The following TLR10 variants were observed in gnomAD, a reference collection of about 807,000 sequenced individuals.
TLR10 encodes the protein toll-like receptor 10.
For missense variants in TLR10, 929 were observed against 932.9 expected, an observed-to-expected ratio of 1.00 and a Z score of 0.05; for synonymous variants, 288 against 338.8, an observed-to-expected ratio of 0.85 and a Z score of 1.65.
In TLR10 at chr4:38,773,657, G is replaced by A; in HGVS notation, c.1934C>T (p.Ser645Phe). The A allele has an allele frequency of 2.5e-6, 4 of 1,608,946 alleles. No individual in the cohort carries two copies. The highest frequency in any genetic ancestry group is 3.4e-6 in the Non-Finnish European group (4 of 1,177,720). Reference protein sequence around the residue: ...HAFISYSEHDSLWVKNELIPN... With the variant: ...HAFISYSEHDFLWVKNELIPN... ...GATCAATTCATTCTTCACCCACAGA[G>A]AATCATGTTCACTGTATGAAATAAA... The change falls in exon 4 of 4, where the codon TCT becomes TTT. Residue 645 changes from serine (S) to phenylalanine (F), a missense_variant. Coordinates refer to ENST00000308973, the MANE Select transcript of TLR10 (RefSeq NM_030956.4).
At position 38,773,005 on chromosome 4, in the gene TLR10, T is replaced by A; in HGVS notation, c.*150A>T. ...AACTTGTGAAGGTGTTTCTATAGGA[T>A]ACATTCTTAGAAATCCTTCTAGAAA... On this transcript the variant is annotated 3_prime_UTR_variant, in exon 4 of 4. Transcript: ENST00000308973. The A allele has an allele frequency of 1.4e-6, 1 of 691,910 alleles. No individual in the cohort carries two copies. Among genetic ancestry groups the A allele is most frequent in the Non-Finnish European group, 2.1e-6 (1 of 470,890 alleles). The allele number at this position is 691,910 out of a possible 1,614,324, so 42.9% of individuals were successfully genotyped here.
At chr4:38,779,807 T>G (rs1345865313) in intron 1 of TLR10, among the ~76,000 whole-genome samples, 1 of 152,206 alleles carries the variant, frequency 6.6e-6, no homozygotes, top group Non-Finnish European at 1.5e-5. Flanking sequence ...CTGAATGACC[T>G]CTTAGTAAAT....
chr4:38,777,650 G>A (rs1042129081), intron 1 of TLR10, among the ~76,000 whole-genome samples: 1 of 151,884 alleles, frequency 6.6e-6, no homozygotes, highest in African/African-American at 2.4e-5. Flanking sequence ...ATATGAACAG[G>A]CACTTCTCAA....
At chr4:38,782,175 C>A (rs1725450772) in intron 1 of TLR10, among the ~76,000 whole-genome samples, 1 of 152,190 alleles carries the variant, frequency 6.6e-6, no homozygotes, top group Non-Finnish European at 1.5e-5. Flanking sequence ...TTTCTCACCC[C>A]ATGCCCCTGT....
chr4:38,776,684 A>G (rs113624719), intron 1 of TLR10, among the ~76,000 whole-genome samples: 1 of 152,186 alleles, frequency 6.6e-6, no homozygotes, highest in African/African-American at 2.4e-5. Context: ...TTCATTATTC[A>G]AGATATTTAT....
chr4:38,772,664 C>G lies in TLR10; in HGVS notation c.*491G>C, dbSNP rs1724705011. 1 of 150,144 alleles carries G rather than the reference C, an allele frequency of 6.7e-6. No homozygotes were observed. Among genetic ancestry groups the G allele is most frequent in the African/African-American group, 2.5e-5 (1 of 40,500 alleles). 9.3% of individuals were successfully genotyped at this position (150,144 alleles called of 1,614,324 possible). ...TTTGAGATGGAGTCTCGCTCTGTCA[C>G]CAGGCTGGAGTGCAGTGGCTCGATC... On this transcript the variant is annotated 3_prime_UTR_variant, in exon 4 of 4. Transcript: ENST00000308973.
chr4:38,775,715 T>C, intron 3 of TLR10, 60 bp downstream of exon 3: 1 of 1,046,446 alleles, frequency 9.6e-7, no homozygotes, highest in Admixed American at 3.3e-5. Flanking sequence ...GGATTTTTAT[T>C]TGCAAAAAAA....
In TLR10 at chr4:38,775,520, A is replaced by G. The variant is rs1337891360; in HGVS notation, c.71T>C (p.Leu24Pro). ...GGTCATCAGTTCCCTTTCTTCTGGC[A>G]GCTCTGGAGCATCACCCTCTGCTGT... ...VMTAEGDAPE[L>P]PEERELMTNC... is the part of the protein sequence containing the mutation. Residue 24 changes from leucine to proline, a missense_variant, in exon 4 of 4, where the codon CTG becomes CCG. Coordinates refer to ENST00000308973, the MANE Select transcript of TLR10 (RefSeq NM_030956.4). 6.2e-7 allele frequency: 1 copy of G among 1,614,160 alleles called. No homozygotes were observed. The highest frequency in any genetic ancestry group is 1.7e-5 in the Admixed American group (1 of 60,004).
At position 38,773,682 on chromosome 4, in the gene TLR10, A is replaced by C. The variant is rs1429221678; in HGVS notation, c.1909T>G (p.Phe637Val). 2.5e-6 allele frequency: 4 copies of C among 1,613,152 alleles called. No homozygotes were observed. Among genetic ancestry groups the C allele is most frequent in the Admixed American group, 1.7e-5 (1 of 59,804 alleles). The change falls in exon 4 of 4, where the codon TTT becomes GTT. Residue 637 changes from phenylalanine to valine, a missense_variant. Phe to Val is a conservative substitution (Grantham distance 50). Coordinates refer to ENST00000308973, the MANE Select transcript of TLR10 (RefSeq NM_030956.4). The stretch of plus-strand genomic sequence containing the variant: ...GAATCATGTTCACTGTATGAAATAA[A>C]TGCGTGGAATCGGACATTTCTCTTG... The part of the protein sequence containing the change: ...QLKRNVRFHA[F>V]ISYSEHDSLW...
In TLR10 at chr4:38,773,020, C is replaced by A; in HGVS notation, c.*135G>T. The A allele has an allele frequency of 1.2e-6, 1 of 824,730 alleles. No homozygotes were observed. 51.1% of individuals were successfully genotyped at this position (824,730 alleles called of 1,614,324 possible). A position where few individuals can be genotyped will look rare whatever the true frequency, so the allele number is the denominator to read the frequency against. On this transcript the variant is annotated 3_prime_UTR_variant, in exon 4 of 4. Coordinates refer to ENST00000308973, the MANE Select transcript of TLR10 (RefSeq NM_030956.4). The stretch of plus-strand genomic sequence containing the variant: ...TTCTATAGGATACATTCTTAGAAAT[C>A]CTTCTAGAAACTGATATGAAGGGAA...
Position 38,773,345 on chromosome 4 carries a change from A to C in TLR10, c.2246T>G (p.Leu749Arg), listed in dbSNP as rs1299931252. ...CCATTCCAAGTATGCTTTTTTTTCC[A>C]GGAGAGCTTTCAGTTTATGATACCT... Reference protein sequence around the residue: ...PTRYHKLKALLEKKAYLEWPK... With the variant: ...PTRYHKLKALREKKAYLEWPK... The change falls in exon 4 of 4, where the codon CTG (leucine) becomes CGG (arginine). Residue 749 changes from leucine to arginine, a missense_variant. Coordinates refer to ENST00000308973, the MANE Select transcript of TLR10 (RefSeq NM_030956.4). 6.2e-7 allele frequency: 1 copy of C among 1,613,304 alleles called. No individual in the cohort carries two copies. The highest frequency in any genetic ancestry group is 1.7e-5 in the Admixed American group (1 of 59,780).
In TLR10 at chr4:38,773,271, C is replaced by T; in HGVS notation, c.2320G>A (p.Ala774Thr). 6.2e-7 allele frequency: 1 copy of T among 1,611,914 alleles called. No homozygotes were observed. Among genetic ancestry groups the T allele is most frequent in the Non-Finnish European group, 8.5e-7 (1 of 1,179,368 alleles). ...GTGGCTAATACATTAACATTAATAGCAGCTCGAAGGTTTGCCCAGAAAAGC... is the reference window on the plus strand; with the variant it reads ...GTGGCTAATACATTAACATTAATAGTAGCTCGAAGGTTTGCCCAGAAAAGC... Reference protein sequence around the residue: ...CGLFWANLRAAINVNVLATRE... With the variant: ...CGLFWANLRATINVNVLATRE... The change falls in exon 4 of 4, where the codon GCT becomes ACT. Residue 774 changes from alanine to threonine, a missense_variant. Transcript: ENST00000308973.
Position 38,773,521 on chromosome 4 carries a change from A to G in TLR10, c.2070T>C (p.Tyr690=), listed in dbSNP as rs763265011. 2.4e-5 allele frequency: 38 copies of G among 1,612,042 alleles called. No homozygotes were observed. The highest frequency in any genetic ancestry group is 3.1e-5 in the Non-Finnish European group (37 of 1,179,230). ...ENIVSFIEKS[Y]KSIFVLSPNF... Reference sequence around the variant, plus strand: ...TGGGAGACAAAACAAAGATGGACTTATAGCTTTTCTCAATGAAGCTTACAA... The same window carrying G: ...TGGGAGACAAAACAAAGATGGACTTGTAGCTTTTCTCAATGAAGCTTACAA... The change falls in exon 4 of 4, where the codon TAT becomes TAC. Residue 690 remains tyrosine, a synonymous_variant. Transcript: ENST00000308973.
In TLR10 at chr4:38,773,611, A is replaced by G; in HGVS notation, c.1980T>C (p.Asp660=). 6 of 1,601,126 alleles carry G rather than the reference A, an allele frequency of 3.7e-6. No homozygotes were observed. The highest frequency in any genetic ancestry group is 5.1e-6 in the Non-Finnish European group (6 of 1,173,938). ...CATAAAGGCAAATCAAGATAGAACC[A>G]TCTTCCTTCTCTAGATTGGGGATCA... The part of the protein sequence containing the change: ...NELIPNLEKE[D]GSILICLYES... Residue 660 remains aspartate, a synonymous_variant, in exon 4 of 4, where the codon GAT becomes GAC. Coordinates refer to ENST00000308973, the MANE Select transcript of TLR10 (RefSeq NM_030956.4).
chr4:38,772,996 T>C lies in TLR10; in HGVS notation c.*159A>G. The C allele has an allele frequency of 1.6e-6, 1 of 620,182 alleles. No homozygotes were observed. 38.4% of individuals were successfully genotyped at this position (620,182 alleles called of 1,614,324 possible). On this transcript the variant is annotated 3_prime_UTR_variant, in exon 4 of 4. Transcript: ENST00000308973. ...GCCCTTATAAACTTGTGAAGGTGTT[T>C]CTATAGGATACATTCTTAGAAATCC... is the stretch of plus-strand genomic sequence containing the variant.
Position 38,774,405 on chromosome 4 carries a change from T to C in TLR10, c.1186A>G (p.Asn396Asp). 1 of 1,613,352 alleles carries C rather than the reference T, an allele frequency of 6.2e-7. No individual in the cohort carries two copies. Among genetic ancestry groups the C allele is most frequent in the South Asian group, 1.1e-5 (1 of 90,786 alleles). Residue 396 changes from asparagine (N) to aspartate (D), a missense_variant, in exon 4 of 4, where the codon AAC becomes GAC. Transcript: ENST00000308973. ...TLSLVSCFAN[N>D]TPLEHLDLSQ... ...AGATCCAAGTGTTCCAAGGGTGTGT[T>C]GTTAGCAAAGCAACTTACTAAAGAA...
intron 1 of TLR10, among the ~76,000 whole-genome samples, chr4:38,781,659 A>G (rs1287500477): frequency 6.6e-6 from 1 of 152,230 alleles, no homozygotes; most frequent in Non-Finnish European, 1.5e-5. Flanking sequence ...TTATAATTTA[A>G]AAGTCCAAGT....
intron 1 of TLR10, among the ~76,000 whole-genome samples, chr4:38,777,866 TCAA>T (rs1453598910): frequency 1.3e-5 from 2 of 152,248 alleles, no homozygotes; most frequent in African/African-American, 4.8e-5. Context: ...GTAAATTAGC[TCAA>T]CAATTGTGGA....
intron 1 of TLR10, among the ~76,000 whole-genome samples, chr4:38,781,901 C>A (rs942711211): frequency 1.3e-5 from 2 of 152,136 alleles, no homozygotes; most frequent in African/African-American, 4.8e-5. Flanking sequence ...AATGACTCAA[C>A]AAAATGGCGG....
Sources: gnomAD v4.1 joint callset for allele counts (sites outside exome capture counted in the v4.1 genomes callset) on GRCh38, gnomAD v4.1.1 for gene constraint, MANE v1.5 for transcripts, NCBI Gene and HGNC (gene_info 2026-07-23, HGNC 2026-07-21) for gene names.